The following VSNL1 variants were observed in gnomAD, a reference collection of about 807,000 sequenced individuals.
The protein encoded by VSNL1 is visinin-like protein 1.
A neutral mutation model predicts 20.4 loss-of-function variants in VSNL1; 6 were observed. The ratio of observed to expected loss-of-function variants is 0.29; its 90% CI spans 0.16 to 0.58. The LOEUF is 0.58. Among genes scored for constraint, VSNL1 ranks in the 20% least tolerant of loss-of-function variants. VSNL1 has a pLI of 0.90. For synonymous variants in VSNL1, 93 were observed against 86.4 expected, an observed-to-expected ratio of 1.08 and a Z score of -0.42; for missense variants, 100 against 234.5, an observed-to-expected ratio of 0.43 and a Z score of 3.75.
At chr2:17,612,014 G>A (rs1328844119) in intron 2 of VSNL1, among the ~76,000 whole-genome samples, 1 of 152,168 alleles carries the variant, frequency 6.6e-6, no homozygotes, top group East Asian at 1.9e-4. Context: ...GCAAGACTTT[G>A]TCATTTGTCA....
At chr2:17,596,021 A>G (rs1475322150) in intron 2 of VSNL1, among the ~76,000 whole-genome samples, 1 of 152,166 alleles carries the variant, frequency 6.6e-6, no homozygotes, top group Non-Finnish European at 1.5e-5. Flanking sequence ...TTGTCAACAC[A>G]TTCTCTTGGA....
chr2:17,613,177 G>A (rs965798263), intron 2 of VSNL1, among the ~76,000 whole-genome samples: 5 of 152,124 alleles, frequency 3.3e-5, no homozygotes, highest in Non-Finnish European at 7.3e-5. Context: ...CAATAGCCAG[G>A]AAGGCCAATT....
At chr2:17,605,729 G>T (rs1161160884) in intron 2 of VSNL1, among the ~76,000 whole-genome samples, 4 of 152,144 alleles carry the variant, frequency 2.6e-5, no homozygotes, top group Non-Finnish European at 5.9e-5. Context: ...GGCAGGAAAG[G>T]TGTCTGTTAT....
At chr2:17,570,984 C>T (rs1664068852) in intron 1 of VSNL1, among the ~76,000 whole-genome samples, 2 of 152,088 alleles carry the variant, frequency 1.3e-5, no homozygotes, top group East Asian at 3.9e-4. Context: ...CGAGATTGCG[C>T]CACTGCACTG....
intron 2 of VSNL1, among the ~76,000 whole-genome samples, chr2:17,629,261 A>T (rs73921010): frequency 5.3e-5 from 8 of 152,186 alleles, no homozygotes; most frequent in African/African-American, 1.4e-4. Flanking sequence ...ATTAGCTCCA[A>T]GACCTTGAGG....
At chr2:17,557,257 T>A (rs946724127) in intron 1 of VSNL1, among the ~76,000 whole-genome samples, 7 of 152,228 alleles carry the variant, frequency 4.6e-5, no homozygotes, top group Non-Finnish European at 8.8e-5. Context: ...CTCTTTTTAC[T>A]CACTTCACCT....
intron 2 of VSNL1, among the ~76,000 whole-genome samples, chr2:17,640,336 C>T (rs962531035): frequency 6.6e-6 from 1 of 151,958 alleles, no homozygotes; most frequent in African/African-American, 2.4e-5. Flanking sequence ...CCAGGTCCCA[C>T]ATGTAGTGAA....
chr2:17,553,658 T>C (rs1207445793), intron 1 of VSNL1, among the ~76,000 whole-genome samples: 1 of 152,212 alleles, frequency 6.6e-6, no homozygotes, highest in Non-Finnish European at 1.5e-5. Context: ...ATGGACTATA[T>C]GTCAGAACCA....
At chr2:17,567,331 A>C (rs116020011) in intron 1 of VSNL1, 3 of 147,888 alleles carry the variant, frequency 2.0e-5, no homozygotes, top group African/African-American at 7.4e-5. Flanking sequence ...TCTTGATGTA[A>C]AGAGAGTCTC....
chr2:17,655,376 G>T lies in VSNL1; in HGVS notation c.558G>T (p.Gln186His), dbSNP rs770347270. 1 of 1,613,212 alleles carries T rather than the reference G, an allele frequency of 6.2e-7. No homozygotes were observed. ...KSDPSIVLLL[Q>H]CDIQK ...ACCCTTCCATTGTATTACTTCTGCA[G>T]TGCGACATCCAGAAATGAGCTGATG... The change falls in exon 4 of 4, where the codon CAG becomes CAT. Residue 186 changes from glutamine to histidine, a missense_variant. By Grantham distance (24) the Gln-to-His change is conservative. Transcript: ENST00000295156. The surrounding 1 kb of genome is among the most constrained non-coding windows in gnomAD (Gnocchi z 5.2).
chr2:17,585,810 T>C (rs570267125), intron 1 of VSNL1, among the ~76,000 whole-genome samples: 26 of 147,506 alleles, frequency 1.8e-4, no homozygotes, highest in Admixed American at 7.4e-4. Flanking sequence ...CTTTTTTTCT[T>C]TTTTTTTTTT....
chr2:17,595,279 C>T (rs1168457570), intron 2 of VSNL1, among the ~76,000 whole-genome samples: 1 of 152,184 alleles, frequency 6.6e-6, no homozygotes, highest in Admixed American at 6.5e-5. Context: ...ACATCTCCTT[C>T]TTAGGCAGCC....
chr2:17,576,396 C>T (rs868027640), intron 1 of VSNL1, among the ~76,000 whole-genome samples: 5 of 151,986 alleles, frequency 3.3e-5, no homozygotes, highest in Non-Finnish European at 7.4e-5. Context: ...TAACTTTTTC[C>T]TCTTGGGTTA....
intron 2 of VSNL1, among the ~76,000 whole-genome samples, chr2:17,609,735 A>G (rs544845496): frequency 6.6e-6 from 1 of 152,358 alleles, no homozygotes; most frequent in East Asian, 1.9e-4. Flanking sequence ...GAGGACTGAG[A>G]GAAACTTCAT....
intron 1 of VSNL1, among the ~76,000 whole-genome samples, chr2:17,571,554 T>A (rs1330945925): frequency 1.3e-5 from 2 of 152,192 alleles, no homozygotes; most frequent in Admixed American, 6.5e-5. Flanking sequence ...AGCCTATTTT[T>A]AAAAATGATC....
chr2:17,572,627 A>G (rs146385448), intron 1 of VSNL1, among the ~76,000 whole-genome samples: 52 of 152,344 alleles, frequency 3.4e-4, no homozygotes, highest in Admixed American at 8.5e-4. Flanking sequence ...TTCATGTAAG[A>G]GAGGTTCTAT....
intron 1 of VSNL1, among the ~76,000 whole-genome samples, chr2:17,583,351 C>T (rs1015390882): frequency 1.3e-5 from 2 of 152,220 alleles, no homozygotes; most frequent in African/African-American, 2.4e-5. Context: ...GGCCACAGTC[C>T]CTCCCCACTG....
intron 2 of VSNL1, among the ~76,000 whole-genome samples, chr2:17,642,460 C>CA (rs1665902931): frequency 6.6e-6 from 1 of 151,986 alleles, no homozygotes; most frequent in South Asian, 2.1e-4. Flanking sequence ...AGGTACCCGC[C>CA]ACCATGCCCA....
chr2:17,591,225 A>G (rs1197674858), intron 1 of VSNL1, among the ~76,000 whole-genome samples: 1 of 152,186 alleles, frequency 6.6e-6, no homozygotes, highest in Non-Finnish European at 1.5e-5. Flanking sequence ...CCTAAGTAAC[A>G]CATGTAGTAA....
Sources: gnomAD v4.1 joint callset for allele counts (sites outside exome capture counted in the v4.1 genomes callset) on GRCh38, gnomAD v4.1.1 for gene constraint, Gnocchi (gnomAD v3.1) non-coding constraint, MANE v1.5 for transcripts, NCBI Gene and HGNC (gene_info 2026-07-23, HGNC 2026-07-21) for gene names.